Variants in RAPGEF1 observed in about 807,000 individuals in gnomAD.
The protein encoded by RAPGEF1 is CRK SH3-binding GNRP.
A neutral mutation model predicts 143.3 loss-of-function variants in RAPGEF1; 33 were observed. That is an observed-to-expected ratio of 0.23 (90% CI 0.17 to 0.31). The LOEUF (loss-of-function observed/expected upper bound fraction) is 0.31, where lower values mean the gene tolerates loss of function less well. Ranked by LOEUF, RAPGEF1 falls within the 10% of genes least tolerant of loss-of-function variation. RAPGEF1 has a pLI of 1.00. For missense variants in RAPGEF1, 1,199 were observed against 1,645.4 expected, an observed-to-expected ratio of 0.73 and a Z score of 4.69; for synonymous variants, 629 against 676.5, an observed-to-expected ratio of 0.93 and a Z score of 1.09.
Position 131,650,990 on chromosome 9 carries a change from A to G in RAPGEF1, c.62-41T>C. ...GTACTGACTGTTAGATGGGAGTGGG[A>G]AGAAGCGATGGTTCATTGACCTTTT... On this transcript the variant is annotated intron_variant, in intron 1 of 26. Coordinates refer to ENST00000683357, the MANE Select transcript of RAPGEF1 (RefSeq NM_001377935.1). The surrounding 1 kb of genome is among the most constrained non-coding windows in gnomAD (Gnocchi z 4.7). 6.2e-7 allele frequency: 1 copy of G among 1,600,068 alleles called. No homozygotes were observed. The highest frequency in any genetic ancestry group is 2.2e-5 in the East Asian group (1 of 44,796).
intron 1 of RAPGEF1, among the ~76,000 whole-genome samples, chr9:131,689,930 T>TA (rs1317007617): frequency 6.6e-6 from 1 of 152,240 alleles, no homozygotes; most frequent in Non-Finnish European, 1.5e-5. Context: ...GAAACATTAA[T>TA]ATCTGAATAT....
At position 131,577,324 on chromosome 9, in the gene RAPGEF1, TG is replaced by T. The variant is rs1951328823; in HGVS notation, c.*2172del. The T allele has an allele frequency of 2.6e-5, 4 of 152,342 alleles. No individual in the cohort carries two copies. Among genetic ancestry groups the T allele is most frequent in the Admixed American group, 2.0e-4 (3 of 15,286 alleles). 9.4% of individuals were successfully genotyped at this position (152,342 alleles called of 1,614,324 possible). A position where few individuals can be genotyped will look rare whatever the true frequency, so the allele number is the denominator to read the frequency against. ...GGCCTGGGGAATTGCCTGGGCACAC[TG>T]GGGCCAGGCACAGGGTCTGTTCTGA... On this transcript the variant is annotated 3_prime_UTR_variant, in exon 27 of 27. Coordinates refer to ENST00000683357, the MANE Select transcript of RAPGEF1 (RefSeq NM_001377935.1).
chr9:131,615,819 C>T (rs1958903116), intron 12 of RAPGEF1, among the ~76,000 whole-genome samples: 1 of 152,112 alleles, frequency 6.6e-6, no homozygotes, highest in Non-Finnish European at 1.5e-5. Flanking sequence ...GTTCAAGCTC[C>T]ACCTCCAGCC....
Position 131,602,809 on chromosome 9 carries a change from G to A in RAPGEF1, c.2413-660C>T, listed in dbSNP as rs114675094. On this transcript the variant is annotated intron_variant, in intron 14 of 26. Transcript: ENST00000683357. ...TTGCTTCCTCCTGGGTCCCTGGGCT[G>A]GCCCTACTCAGTGACAACATGGCCC... Among the ~76,000 whole-genome samples, 1,229 of 152,212 alleles carry A rather than the reference G, an allele frequency of 8.1e-3. 16 individuals are homozygous for A. The highest frequency in any genetic ancestry group is 0.028 in the African/African-American group (1,172 of 41,518).
At chr9:131,608,451 G>A (rs1366819444) in intron 12 of RAPGEF1, among the ~76,000 whole-genome samples, 1 of 152,204 alleles carries the variant, frequency 6.6e-6, no homozygotes, top group Non-Finnish European at 1.5e-5. Flanking sequence ...ATGGGTAAGA[G>A]ACGAACTTCA....
intron 19 of RAPGEF1, 144 bp downstream of exon 19, chr9:131,589,742 A>C: frequency 1.4e-6 from 1 of 729,444 alleles, no homozygotes. Flanking sequence ...ACCCTGGTCT[A>C]TCGGGCACAG....
chr9:131,587,241 C>T (rs1341883750), intron 22 of RAPGEF1, among the ~76,000 whole-genome samples: 8 of 138,906 alleles, frequency 5.8e-5, no homozygotes, highest in Admixed American at 3.5e-4. Flanking sequence ...CACACACACA[C>T]ACCTGCAGAG....
rs1286160934 is a variant in RAPGEF1, at chr9:131,619,099, G to A, written c.2013C>T (p.Ser671=). The A allele has an allele frequency of 1.4e-5, 19 of 1,354,408 alleles. No homozygotes were observed. Among genetic ancestry groups the A allele is most frequent in the South Asian group, 8.2e-5 (7 of 85,440 alleles). The allele number at this position is 1,354,408 out of a possible 1,614,324, so 83.9% of individuals were successfully genotyped here. A position where few individuals can be genotyped will look rare whatever the true frequency, so the allele number is the denominator to read the frequency against. ...DGSAAQGLSV[S]VSNSFLSRHG... is the part of the protein sequence containing the mutation. ...GCCGGCTGAGAAAGGAGTTAGAGAC[G>A]GACACACTGAGGCCCTGAGCGGCAC... is the stretch of plus-strand genomic sequence containing the variant. Residue 671 remains serine, a synonymous_variant, in exon 12 of 27, where the codon TCC becomes TCT. Coordinates refer to ENST00000683357, the MANE Select transcript of RAPGEF1 (RefSeq NM_001377935.1).
At chr9:131,589,023 C>A in intron 19 of RAPGEF1, 37 bp from the exon 20 acceptor site, 2 of 1,594,476 alleles carry the variant, frequency 1.3e-6, no homozygotes, top group Non-Finnish European at 1.7e-6. Context: ...GGAGCAGGAA[C>A]GCAAGGCCCA....
chr9:131,733,700 G>A (rs1307298229), intron 1 of RAPGEF1, among the ~76,000 whole-genome samples: 5 of 152,210 alleles, frequency 3.3e-5, no homozygotes, highest in Non-Finnish European at 5.9e-5. Flanking sequence ...GGGGCAGGCG[G>A]TGGGTTGTCA....
chr9:131,671,286 C>T (rs908322488), intron 1 of RAPGEF1, among the ~76,000 whole-genome samples: 5 of 152,250 alleles, frequency 3.3e-5, no homozygotes, highest in Admixed American at 2.6e-4. Flanking sequence ...AGCCTCCTGC[C>T]GTCTGTCTGA....
intron 17 of RAPGEF1, among the ~76,000 whole-genome samples, chr9:131,595,592 C>T (rs1955119079): frequency 6.6e-6 from 1 of 152,156 alleles, no homozygotes; most frequent in Admixed American, 6.5e-5. Context: ...AGAGACTGGC[C>T]GGCCAGGTGG....
At chr9:131,625,022 G>A (rs1271111224) in intron 10 of RAPGEF1, among the ~76,000 whole-genome samples, 1 of 152,252 alleles carries the variant, frequency 6.6e-6, no homozygotes, top group Non-Finnish European at 1.5e-5. Flanking sequence ...ATGGGGCCCA[G>A]CTCTAAGCTG....
At chr9:131,738,073 C>T (rs2131372660) in intron 1 of RAPGEF1, among the ~76,000 whole-genome samples, 1 of 152,194 alleles carries the variant, frequency 6.6e-6, no homozygotes, top group African/African-American at 2.4e-5. Flanking sequence ...CCTTGGCCTT[C>T]CAAAATGCAG....
At chr9:131,679,284 C>G (rs1293243883) in intron 1 of RAPGEF1, among the ~76,000 whole-genome samples, 3 of 152,222 alleles carry the variant, frequency 2.0e-5, no homozygotes, top group African/African-American at 7.2e-5. Flanking sequence ...CCCCTGTCCT[C>G]CATGTGTCCT....
intron 1 of RAPGEF1, among the ~76,000 whole-genome samples, chr9:131,702,890 A>C (rs1834764223): frequency 2.0e-5 from 3 of 152,252 alleles, no homozygotes; most frequent in Non-Finnish European, 4.4e-5. Context: ...ATAGAAGCAT[A>C]AAATTAAAAG....
chr9:131,721,622 A>G (rs553452639), intron 1 of RAPGEF1, among the ~76,000 whole-genome samples: 48 of 152,026 alleles, frequency 3.2e-4, no homozygotes, highest in Non-Finnish European at 5.4e-4. Flanking sequence ...AGTGGCTTAT[A>G]CTGTATCTCC....
chr9:131,713,588 T>C (rs1835659821), intron 1 of RAPGEF1, among the ~76,000 whole-genome samples: 1 of 152,214 alleles, frequency 6.6e-6, no homozygotes, highest in Non-Finnish European at 1.5e-5. Flanking sequence ...TTCCACACCT[T>C]GTATTTTCAC....
At chr9:131,694,850 A>C (rs1834032380) in intron 1 of RAPGEF1, among the ~76,000 whole-genome samples, 1 of 148,164 alleles carries the variant, frequency 6.7e-6, no homozygotes, top group East Asian at 2.0e-4. Context: ...CACAACGTGC[A>C]GGTTAGTTAC....
Sources: allele counts gnomAD v4.1 joint callset (sites outside exome capture counted in the v4.1 genomes callset), GRCh38; gene constraint gnomAD v4.1.1; non-coding constraint Gnocchi (gnomAD v3.1); transcripts MANE v1.5; gene names NCBI Gene and HGNC (gene_info 2026-07-23, HGNC 2026-07-21).